ROBO2: variants seen among roughly 807,000 people sequenced by gnomAD.
ROBO2 encodes the protein roundabout guidance receptor 2.
In ROBO2, 53 loss-of-function variants were observed where a neutral mutation model predicts 160.8. That is an observed-to-expected ratio of 0.33 (90% CI 0.26 to 0.41). ROBO2 has a LOEUF of 0.41. Ranked by LOEUF, ROBO2 falls within the 10% of genes least tolerant of loss-of-function variation. ROBO2 has a pLI of 1.00. For missense variants in ROBO2, 1,577 were observed against 1,722.4 expected (o/e 0.92, Z 1.49); for synonymous variants, 664 against 611.7 (o/e 1.09, Z -1.26).
rs372429474 is a variant in ROBO2 at position 76,300,273 on chromosome 3, C to G, written c.109+362671C>G. ...AGCTGTGGCTGCTCCCTGAATAGTT[C>G]TTTTTTTTTGAATCCTAAATGGTGC... is the stretch of plus-strand genomic sequence containing the variant. On this transcript the variant is annotated intron_variant, in intron 2 of 26. Transcript: ENST00000487694. Among the ~76,000 whole-genome samples the G allele has an allele frequency of 2.5e-4, 37 of 150,908 alleles. 1 individual carries two copies. The highest frequency in any genetic ancestry group is 8.7e-4 in the African/African-American group (36 of 41,152).
At chr3:76,208,321 A>C (rs1028490500) in intron 2 of ROBO2, among the ~76,000 whole-genome samples, 3 of 152,192 alleles carry the variant, frequency 2.0e-5, no homozygotes, top group Non-Finnish European at 2.9e-5. Context: ...TGTTTGCCTT[A>C]TGTTGACCTC....
At chr3:77,640,355 C>T (rs1474123980) in intron 24 of ROBO2, among the ~76,000 whole-genome samples, 7 of 152,078 alleles carry the variant, frequency 4.6e-5, no homozygotes, top group East Asian at 1.9e-4. Flanking sequence ...CCTCGTGATC[C>T]GCCCGCCTTG....
chr3:76,845,258 C>G (rs779861691), intron 2 of ROBO2, among the ~76,000 whole-genome samples: 1 of 151,954 alleles, frequency 6.6e-6, no homozygotes, highest in Non-Finnish European at 1.5e-5. Context: ...AATTTAGTAT[C>G]TTCTAACAGA....
intron 2 of ROBO2, among the ~76,000 whole-genome samples, chr3:76,710,859 G>A (rs1035184438): frequency 6.6e-6 from 1 of 152,154 alleles, no homozygotes; most frequent in Non-Finnish European, 1.5e-5. Flanking sequence ...AGGATGATGC[G>A]ATAGAAAGTG....
Position 76,456,260 on chromosome 3 carries a change from G to A in ROBO2, c.109+518658G>A, listed in dbSNP as rs530194255. Among the ~76,000 whole-genome samples the A allele has an allele frequency of 2.0e-5, 3 of 152,270 alleles. No homozygotes were observed. In the South Asian group the frequency reaches 6.2e-4, roughly 32 times the overall value. ...AAAGATAAAACTCCCATTAAACCAGGAGGAGTTATGTAGTTACATTGATTT... is the reference window on the plus strand; with the variant it reads ...AAAGATAAAACTCCCATTAAACCAGAAGGAGTTATGTAGTTACATTGATTT... On this transcript the variant is annotated intron_variant, in intron 2 of 26. Coordinates refer to the ROBO2 transcript ENST00000487694.
chr3:76,837,501 GT>G (rs1304119243), intron 2 of ROBO2, among the ~76,000 whole-genome samples: 3 of 150,098 alleles, frequency 2.0e-5, no homozygotes, highest in Non-Finnish European at 3.0e-5. Flanking sequence ...ATTTTACATA[GT>G]TTTTTTTCTT....
chr3:77,237,857 A>G (rs967634856), intron 2 of ROBO2, among the ~76,000 whole-genome samples: 1 of 152,104 alleles, frequency 6.6e-6, no homozygotes, highest in Admixed American at 6.5e-5. Context: ...CTTCTCCCCA[A>G]CAGTGAATGA....
intron 2 of ROBO2, among the ~76,000 whole-genome samples, chr3:76,806,698 T>G (rs2064751355): frequency 6.6e-6 from 1 of 151,990 alleles, no homozygotes; most frequent in Admixed American, 6.6e-5. Flanking sequence ...CAGTCTACAT[T>G]AGAGAAATCC....
chr3:77,376,170 T>TTTC lies in ROBO2; in HGVS notation c.389-101242_389-101241insCTT, dbSNP rs1188946965. 3.0e-3 allele frequency among the ~76,000 whole-genome samples: 442 copies of TTTC among 149,114 alleles called. 5 individuals carry two copies. Among genetic ancestry groups the TTTC allele is most frequent in the African/African-American group, 0.01 (419 of 40,306 alleles). ...TTTAACTTTCTTTTTTTTTTTTTTT[T>TTTC]TTTTGACAGAGTCTCATTCTGTCAC... On this transcript the variant is annotated intron_variant, in intron 2 of 25. Transcript: ENST00000461745.
chr3:76,252,301 A>G (rs763869098), intron 2 of ROBO2, among the ~76,000 whole-genome samples: 20 of 152,062 alleles, frequency 1.3e-4, no homozygotes, highest in Admixed American at 6.6e-4. Context: ...TCATTTCCAA[A>G]TGATCAACCA....
intron 2 of ROBO2, among the ~76,000 whole-genome samples, chr3:76,309,060 T>C (rs978061323): frequency 2.6e-5 from 4 of 151,992 alleles, no homozygotes; most frequent in African/African-American, 9.7e-5. Context: ...ATTTTTTTTT[T>C]AATTGCTAAT....
At chr3:76,442,370 T>A (rs1241941671) in intron 2 of ROBO2, among the ~76,000 whole-genome samples, 2 of 152,180 alleles carry the variant, frequency 1.3e-5, no homozygotes, top group Admixed American at 1.3e-4. Flanking sequence ...AGAGACTTCT[T>A]CAGACGTTTC....
intron 2 of ROBO2, among the ~76,000 whole-genome samples, chr3:76,129,373 A>G (rs770015321): frequency 9.2e-5 from 14 of 152,276 alleles, no homozygotes; most frequent in Non-Finnish European, 1.9e-4. Flanking sequence ...CTCAAAATAA[A>G]TGTGTTCACT....
At chr3:76,027,356 G>A (rs1179980640) in intron 2 of ROBO2, among the ~76,000 whole-genome samples, 1 of 151,864 alleles carries the variant, frequency 6.6e-6, no homozygotes, top group African/African-American at 2.4e-5. Context: ...ACAGAATCTT[G>A]CTGCTTGTTT....
At chr3:76,996,011 C>T (rs2060981129) in intron 2 of ROBO2, among the ~76,000 whole-genome samples, 2 of 152,306 alleles carry the variant, frequency 1.3e-5, no homozygotes, top group East Asian at 3.9e-4. Flanking sequence ...GTGTTTTAGA[C>T]ATGAAGTCCT....
chr3:76,202,797 A>C (rs1043607010), intron 2 of ROBO2, among the ~76,000 whole-genome samples: 94 of 151,234 alleles, frequency 6.2e-4, no homozygotes, highest in African/African-American at 2.1e-3. Context: ...GTACATTTCC[A>C]TTGTTTCTCT....
chr3:76,731,826 A>G (rs1053249054), intron 2 of ROBO2, among the ~76,000 whole-genome samples: 2 of 152,206 alleles, frequency 1.3e-5, no homozygotes, highest in Admixed American at 1.3e-4. Context: ...TGGGGACTCT[A>G]TTTTGAAAAG....
intron 1 of ROBO2, among the ~76,000 whole-genome samples, chr3:75,924,354 G>A (rs1426732338): frequency 2.0e-5 from 3 of 152,118 alleles, no homozygotes; most frequent in Non-Finnish European, 2.9e-5. Context: ...GACTGGAGCC[G>A]AGGCTGAAGT....
chr3:76,999,218 T>A (rs2061202417), intron 2 of ROBO2, among the ~76,000 whole-genome samples: 1 of 152,024 alleles, frequency 6.6e-6, no homozygotes, highest in Non-Finnish European at 1.5e-5. Flanking sequence ...AAATAGATTG[T>A]GGAATGAACT....
Sources: allele counts gnomAD v4.1 joint callset (sites outside exome capture counted in the v4.1 genomes callset), GRCh38; gene constraint gnomAD v4.1.1; transcripts MANE v1.5; gene names NCBI Gene and HGNC (gene_info 2026-07-23, HGNC 2026-07-21).